Variants in XRRA1 observed in about 807,000 individuals in gnomAD.
XRRA1 encodes the protein X-ray radiation resistance-associated protein 1.
A neutral mutation model predicts 80.2 loss-of-function variants in XRRA1; 69 were observed. The ratio of observed to expected loss-of-function variants is 0.86; its 90% CI spans 0.71 to 1.05. XRRA1 has a LOEUF of 1.05. XRRA1 is among the 50% of genes least tolerant of loss of function. The pLI is 0.00. For missense variants in XRRA1, 967 were observed against 976.4 expected (o/e 0.99, Z 0.13); for synonymous variants, 348 against 389.9 (o/e 0.89, Z 1.27).
In XRRA1 at chr11:74,908,752, T is replaced by C. The variant is rs79350135; in HGVS notation, c.657-1479A>G. On this transcript the variant is annotated intron_variant, in intron 8 of 18. Coordinates refer to ENST00000684022, the MANE Select transcript of XRRA1 (RefSeq NM_001378157.1). ...GAAGGCGCCTATTCGGGAAAGGCAA[T>C]GTTTAAGCAAAACCATGAGGAATGG... is the stretch of plus-strand genomic sequence containing the variant. Among the ~76,000 whole-genome samples the C allele has an allele frequency of 1.7e-3, 266 of 152,232 alleles. 1 individual carries two copies. Among genetic ancestry groups the C allele is most frequent in the Admixed American group, 7.6e-3 (116 of 15,302 alleles).
At chr11:74,925,505 TCTTCTTAGGGAGCC>T (rs912243026) in intron 7 of XRRA1, among the ~76,000 whole-genome samples, 9 of 151,466 alleles carry the variant, frequency 5.9e-5, no homozygotes, top group African/African-American at 2.0e-4. Flanking sequence ...GGTTTATACT[TCTTCTTAGGGAGCC>T]CTTGCAAATC....
chr11:74,892,478 T>G (rs1419293186), intron 10 of XRRA1, among the ~76,000 whole-genome samples: 3 of 152,174 alleles, frequency 2.0e-5, no homozygotes, highest in Non-Finnish European at 4.4e-5. Context: ...GCATTACCAT[T>G]CAGGACATAG....
At chr11:74,915,024 A>G (rs1938147167) in intron 8 of XRRA1, among the ~76,000 whole-genome samples, 1 of 152,216 alleles carries the variant, frequency 6.6e-6, no homozygotes, top group South Asian at 2.1e-4. Flanking sequence ...TGGTTTACAA[A>G]TGACTTAGCA....
intron 12 of XRRA1, among the ~76,000 whole-genome samples, chr11:74,853,987 TG>T (rs747431727): frequency 2.0e-5 from 3 of 150,760 alleles, no homozygotes; most frequent in Admixed American, 6.6e-5. Context: ...ATGTAGATAC[TG>T]GGGGGGCGGA....
At chr11:74,878,794 G>C (rs1181301603) in intron 10 of XRRA1, among the ~76,000 whole-genome samples, 1 of 151,532 alleles carries the variant, frequency 6.6e-6, no homozygotes, top group African/African-American at 2.4e-5. Flanking sequence ...CATTATTTCT[G>C]AGGGCTCTGT....
intron 10 of XRRA1, among the ~76,000 whole-genome samples, chr11:74,880,801 G>C (rs2047353129): frequency 6.6e-6 from 1 of 151,662 alleles, no homozygotes; most frequent in African/African-American, 2.4e-5. Flanking sequence ...CTGAGTTCCA[G>C]TTTGATTGCA....
chr11:74,943,988 A>G (rs1946966906), intron 2 of XRRA1, among the ~76,000 whole-genome samples: 1 of 151,888 alleles, frequency 6.6e-6, no homozygotes, highest in African/African-American at 2.4e-5. Context: ...TGTCTGGCTA[A>G]TTTTCGTATT....
chr11:74,877,787 T>C (rs1263627952), intron 10 of XRRA1, among the ~76,000 whole-genome samples: 3 of 152,154 alleles, frequency 2.0e-5, no homozygotes, highest in Non-Finnish European at 4.4e-5. Context: ...ACAAAGGACA[T>C]GAACTCATCA....
At chr11:74,931,355 C>T (rs1232462518) in intron 5 of XRRA1, among the ~76,000 whole-genome samples, 32 of 148,972 alleles carry the variant, frequency 2.1e-4, no homozygotes, top group Non-Finnish European at 1.5e-5. Flanking sequence ...GACAAAGTCT[C>T]GCTCTGTCAC....
Position 74,906,302 on chromosome 11 carries a change from C to T in XRRA1, c.940G>A (p.Glu314Lys). The T allele has an allele frequency of 6.2e-7, 1 of 1,614,000 alleles. No individual in the cohort carries two copies. The highest frequency in any genetic ancestry group is 8.5e-7 in the Non-Finnish European group (1 of 1,179,888). ...TAATCCAGTTGCTCATCTGAGTCCT[C>T]AAGCATCCTTGGCTTGGACTGCAGC... is the stretch of plus-strand genomic sequence containing the variant. ...FMLQSKPRML[E>K]DSDEQLDYTV... The change falls in exon 10 of 19, where the codon GAG becomes AAG. Residue 314 changes from glutamate to lysine, a missense_variant. Glu to Lys is a moderately conservative substitution (Grantham distance 56). Transcript: ENST00000684022.
chr11:74,917,438 A>C (rs954174514), intron 8 of XRRA1, among the ~76,000 whole-genome samples: 2 of 152,144 alleles, frequency 1.3e-5, no homozygotes, highest in Non-Finnish European at 2.9e-5. Flanking sequence ...ACAGTTTCAA[A>C]ATTGTTACAT....
At chr11:74,932,485 G>A (rs1943862327) in intron 5 of XRRA1, among the ~76,000 whole-genome samples, 2 of 152,176 alleles carry the variant, frequency 1.3e-5, no homozygotes, top group African/African-American at 2.4e-5. Flanking sequence ...CAGAGGGCAG[G>A]CAGTGTCTGA....
In XRRA1 at chr11:74,901,726, G is replaced by C. The variant is rs186689545; in HGVS notation, c.1003+4513C>G. 3.5e-3 allele frequency among the ~76,000 whole-genome samples: 529 copies of C among 152,296 alleles called. 7 individuals carry two copies. In the Middle Eastern group the frequency reaches 0.037, roughly 11 times the overall value. ...TCTTCAATAAATGGTTCTGGGATAA[G>C]AGGATATCCATATGCAGAAGAATTA... On this transcript the variant is annotated intron_variant, in intron 10 of 18. Transcript: ENST00000684022.
intron 10 of XRRA1, among the ~76,000 whole-genome samples, chr11:74,899,839 C>G (rs1311522992): frequency 1.3e-5 from 2 of 152,118 alleles, no homozygotes; most frequent in Admixed American, 6.5e-5. Flanking sequence ...AGAACTAATA[C>G]CAATCCTATT....
chr11:74,883,091 C>T (rs1371999746), intron 10 of XRRA1, among the ~76,000 whole-genome samples: 12 of 152,202 alleles, frequency 7.9e-5, no homozygotes, highest in South Asian at 2.1e-4. Context: ...TGGGCAATGG[C>T]GGGCGCCCCT....
rs762530665 is a variant in XRRA1 at position 74,863,075 on chromosome 11, A to G, written c.1004-54T>C. ...TTGGTGAGACCGCTGATTGATGCCT[A>G]GAGCACCCAGGATATAGGTCTGCCA... is the stretch of plus-strand genomic sequence containing the variant. On this transcript the variant is annotated intron_variant, in intron 10 of 18. Transcript: ENST00000684022. 59 of 1,524,522 alleles carry G rather than the reference A, an allele frequency of 3.9e-5. No individual in the cohort carries two copies. In the East Asian group the frequency reaches 4.9e-4, roughly 13 times the overall value. The allele number at this position is 1,524,522 out of a possible 1,614,324, so 94.4% of individuals were successfully genotyped here.
At chr11:74,847,983 G>A in intron 15 of XRRA1, 132 bp downstream of exon 15, 1 of 785,452 alleles carries the variant, frequency 1.3e-6, no homozygotes, top group South Asian at 1.8e-5. Context: ...TCCACCAAGG[G>A]TGCTGACTTC....
At chr11:74,850,644 G>T (rs1462893665) in intron 14 of XRRA1, among the ~76,000 whole-genome samples, 1 of 152,170 alleles carries the variant, frequency 6.6e-6, no homozygotes, top group Non-Finnish European at 1.5e-5. Context: ...TCAACATAAG[G>T]AAACACTTCC....
intron 10 of XRRA1, 123 bp from the exon 11 acceptor site, chr11:74,863,144 G>T: frequency 1.1e-6 from 1 of 877,030 alleles, no homozygotes; most frequent in Non-Finnish European, 1.9e-6. Flanking sequence ...AGTTCTCATT[G>T]GTCCTCAGCC....
Sources: allele counts gnomAD v4.1 joint callset (sites outside exome capture counted in the v4.1 genomes callset), GRCh38; gene constraint gnomAD v4.1.1; transcripts MANE v1.5; gene names NCBI Gene and HGNC (gene_info 2026-07-23, HGNC 2026-07-21).